LTBR: variants seen among roughly 807,000 people sequenced by gnomAD.
The protein encoded by LTBR is tumor necrosis factor receptor superfamily member 3.
LTBR carries 15 observed loss-of-function variants against 45.4 expected under a neutral mutation model. The ratio of observed to expected loss-of-function variants is 0.33; its 90% CI spans 0.22 to 0.51. The LOEUF is 0.51. Among genes scored for constraint, LTBR ranks in the 20% least tolerant of loss-of-function variants. The pLI is 0.97. For missense variants in LTBR, 450 were observed against 565.5 expected (o/e 0.80, Z 2.07); for synonymous variants, 228 against 231.0 (o/e 0.99, Z 0.12).
Position 6,386,565 on chromosome 12 carries a change from G to A in LTBR, c.667+121G>A, listed in dbSNP as rs935368519. The stretch of plus-strand genomic sequence containing the variant: ...CCTCCCAGAATTGGGCAAGAAGAAA[G>A]TTCCTTACAGAAAAAATTGGAGTAT... On this transcript the variant is annotated intron_variant, in intron 6 of 9. Transcript: ENST00000228918. The surrounding 1 kb of genome is among the most constrained non-coding windows in gnomAD (Gnocchi z 4.1). The A allele has an allele frequency of 2.8e-6, 2 of 703,308 alleles. No homozygotes were observed. The highest frequency in any genetic ancestry group is 3.6e-5 in the African/African-American group (2 of 55,162). The allele number at this position is 703,308 out of a possible 1,614,324, so 43.6% of individuals were successfully genotyped here.
At position 6,384,200 on chromosome 12, in the gene LTBR, G is replaced by A. The variant is rs1949011417; in HGVS notation, c.-159G>A. On this transcript the variant is annotated 5_prime_UTR_variant, in exon 1 of 10. Transcript: ENST00000228918. ...GAGCTCCGCCATGGGAGCCCTGGAG[G>A]CCCGGCCTGGCCGCTCCCGGCCCTG... is the stretch of plus-strand genomic sequence containing the variant. 2.3e-6 allele frequency: 3 copies of A among 1,314,788 alleles called. No individual in the cohort carries two copies. In the South Asian group the frequency reaches 6.9e-5, roughly 30 times the overall value. The allele number at this position is 1,314,788 out of a possible 1,614,324, so 81.4% of individuals were successfully genotyped here. A position where few individuals can be genotyped will look rare whatever the true frequency, so the allele number is the denominator to read the frequency against.
chr12:6,390,401 A>G lies in LTBR; in HGVS notation c.1030+61A>G, dbSNP rs905143498. 5 of 1,411,130 alleles carry G rather than the reference A, an allele frequency of 3.5e-6. No individual in the cohort carries two copies. The African/African-American group carries it at 7.1e-5, about 20-fold the overall frequency. The allele number at this position is 1,411,130 out of a possible 1,614,324, so 87.4% of individuals were successfully genotyped here. Reference sequence around the variant, plus strand: ...GGAGGGAGGGATGGCTGGCAGGGAGAGACTGTGGGCCAGATGAAATAAAAA... The same window carrying G: ...GGAGGGAGGGATGGCTGGCAGGGAGGGACTGTGGGCCAGATGAAATAAAAA... On this transcript the variant is annotated intron_variant, in intron 9 of 9. Transcript: ENST00000228918.
upstream of LTBR, among the ~76,000 whole-genome samples, chr12:6,379,933 C>CAAAAAAA (rs60566609): frequency 8.6e-6 from 1 of 115,994 alleles, no homozygotes; most frequent in African/African-American, 3.1e-5. Flanking sequence ...GACTCTGTCT[C>CAAAAAAA]AAAAAAAAAA....
upstream of LTBR, among the ~76,000 whole-genome samples, chr12:6,381,015 T>C (rs1948978096): frequency 6.6e-6 from 1 of 152,146 alleles, no homozygotes; most frequent in South Asian, 2.1e-4. Context: ...TGGCTGGGCA[T>C]TATAGTAGCC....
chr12:6,376,457 G>T (rs1332876745), intron 1 of LTBR, among the ~76,000 whole-genome samples: 1 of 152,210 alleles, frequency 6.6e-6, no homozygotes, highest in East Asian at 1.9e-4. Flanking sequence ...ACACAGACCC[G>T]GAGCCCAGGA....
chr12:6,380,950 CG>C (rs1948977390), upstream of LTBR, among the ~76,000 whole-genome samples: 1 of 152,130 alleles, frequency 6.6e-6, no homozygotes, highest in African/African-American at 2.4e-5. Context: ...ATGCCCTGCC[CG>C]CGGTGAACCT....
intron 1 of LTBR, among the ~76,000 whole-genome samples, chr12:6,376,693 C>T (rs902423480): frequency 6.6e-6 from 1 of 152,078 alleles, no homozygotes; most frequent in African/African-American, 2.4e-5. Flanking sequence ...AGAATCAGAC[C>T]CAAAAAGGGC....
rs1261176203 is a variant in LTBR at position 6,386,059 on chromosome 12, T to C, written c.473-7T>C. 1.2e-6 allele frequency: 2 copies of C among 1,609,768 alleles called. No homozygotes were observed. Among genetic ancestry groups the C allele is most frequent in the African/African-American group, 2.7e-5 (2 of 74,790 alleles). On this transcript the variant is annotated splice_polypyrimidine_tract_variant and splice_region_variant and intron_variant, in intron 4 of 9. Transcript: ENST00000228918. This position sits in a 1 kb window ranked among gnomAD's most constrained non-coding sequence, Gnocchi z 4.1. ...TCACCCTGGCTGGCCTGCCTTTCTC[T>C]TGCCAGATGAAGTTGGGAAGGGTAA...
intron 1 of LTBR, chr12:6,377,858 G>A (rs1421732659): frequency 2.5e-5 from 10 of 399,486 alleles, no homozygotes; most frequent in Non-Finnish European, 2.0e-5. Flanking sequence ...CCTGGTCTGG[G>A]CTGAGCCAAA....
Position 6,388,887 on chromosome 12 carries a change from G to A in LTBR, c.801+62G>A. 13 of 1,597,076 alleles carry A rather than the reference G, an allele frequency of 8.1e-6. No individual in the cohort carries two copies. The highest frequency in any genetic ancestry group is 1.0e-5 in the Non-Finnish European group (12 of 1,165,262). ...AGAGGTGATGAGGGTACAAGGTGGA[G>A]CAGACAGGAAGAGAGTATGCAGGCT... is the stretch of plus-strand genomic sequence containing the variant. On this transcript the variant is annotated intron_variant, in intron 8 of 9. Coordinates refer to ENST00000228918, the MANE Select transcript of LTBR (RefSeq NM_002342.3). This position sits in a 1 kb window ranked among gnomAD's most constrained non-coding sequence, Gnocchi z 4.3.
At chr12:6,385,794 A>G (rs1022361631) in intron 4 of LTBR, 1 of 365,314 alleles carries the variant, frequency 2.7e-6, no homozygotes, top group Non-Finnish European at 5.0e-6. Flanking sequence ...TATCCCAGCT[A>G]CTCGGGAGGC....
At chr12:6,387,893 CT>C (rs1396434471) in intron 6 of LTBR, 1 of 454,696 alleles carries the variant, frequency 2.2e-6, no homozygotes, top group Non-Finnish European at 4.4e-6. Context: ...TCTCTCACCC[CT>C]GTAAACACCC....
In LTBR at chr12:6,386,469, C is replaced by CA. The variant is rs5796232; in HGVS notation, c.667+25_667+26insA. On this transcript the variant is annotated intron_variant, in intron 6 of 9. Transcript: ENST00000228918. This position sits in a 1 kb window ranked among gnomAD's most constrained non-coding sequence, Gnocchi z 4.1. Reference sequence around the variant, plus strand: ...GGTGAGGGACCAGGGCTGAGGGACACGGGGGGGGCGCCTCTGAAAATGCCT... The same window carrying CA: ...GGTGAGGGACCAGGGCTGAGGGACACAGGGGGGGGCGCCTCTGAAAATGCCT... 0.36 allele frequency: 539,909 copies of CA among 1,483,774 alleles called. 112,435 individuals are homozygous for CA. Among genetic ancestry groups the CA allele is most frequent in the African/African-American group, 0.87 (63,788 of 73,708 alleles). 91.9% of individuals were successfully genotyped at this position (1,483,774 alleles called of 1,614,324 possible).
rs1291212143 is a variant in LTBR, at chr12:6,390,771, C to T, written c.1142C>T (p.Thr381Ile). Reference sequence around the variant, plus strand: ...CCGGGTCCTGGAGACCTCCCAGCTACCCCCGAACCTCCATACCCCATTCCC... The same window carrying T: ...CCGGGTCCTGGAGACCTCCCAGCTATCCCCGAACCTCCATACCCCATTCCC... Reference protein sequence around the residue: ...GPPGPGDLPATPEPPYPIPEE... With the variant: ...GPPGPGDLPAIPEPPYPIPEE... The change falls in exon 10 of 10, where the codon ACC (threonine) becomes ATC (isoleucine). Residue 381 changes from threonine to isoleucine, a missense_variant. Around this residue, in one of 3 missense-constraint regions of LTBR, gnomAD observed 71 missense variants for 90.4 expected, o/e 0.79. Transcript: ENST00000228918. 1.3e-6 allele frequency: 2 copies of T among 1,586,962 alleles called. No individual in the cohort carries two copies. The highest frequency in any genetic ancestry group is 2.2e-5 in the East Asian group (1 of 44,540).
Position 6,388,212 on chromosome 12 carries a change from C to A in LTBR, c.668-186C>A. 2 of 572,268 alleles carry A rather than the reference C, an allele frequency of 3.5e-6. No individual in the cohort carries two copies. Among genetic ancestry groups the A allele is most frequent in the East Asian group, 3.0e-5 (1 of 33,646 alleles). 35.4% of individuals were successfully genotyped at this position (572,268 alleles called of 1,614,324 possible). The stretch of plus-strand genomic sequence containing the variant: ...AGGTCCTCAAGTCCAACTTAGTTCC[C>A]CTTCTCTATAACCCAAGGGAAGTTT... On this transcript the variant is annotated intron_variant, in intron 6 of 9. Transcript: ENST00000228918. The surrounding 1 kb of genome is among the most constrained non-coding windows in gnomAD (Gnocchi z 4.3).
chr12:6,376,525 G>C (rs1948912955), intron 1 of LTBR, among the ~76,000 whole-genome samples: 1 of 152,248 alleles, frequency 6.6e-6, no homozygotes, highest in South Asian at 2.1e-4. Flanking sequence ...CGCTGGAAAG[G>C]AAGAGGGTGG....
At chr12:6,377,724 A>C in intron 1 of LTBR, 1 of 1,276,576 alleles carries the variant, frequency 7.8e-7, no homozygotes, top group African/African-American at 1.5e-5. Flanking sequence ...TTGATCTCAA[A>C]GGTTCTGAAA....
chr12:6,385,246 T>A lies in LTBR; in HGVS notation c.339T>A (p.Ile113=), dbSNP rs760933050. The A allele has an allele frequency of 5.0e-6, 8 of 1,614,048 alleles. No individual in the cohort carries two copies. In the South Asian group the frequency reaches 8.8e-5, roughly 18 times the overall value. ...CGCCAGTGATGGGCCTCGAGGAGAT[T>A]GCCCCCTGCACAAGCAAACGGAAGA... ...PCDPVMGLEE[I]APCTSKRKTQ... Residue 113 remains isoleucine, a synonymous_variant, in exon 4 of 10, where the codon ATT becomes ATA. Coordinates refer to ENST00000228918, the MANE Select transcript of LTBR (RefSeq NM_002342.3).
chr12:6,390,026 AAGAG>A (rs1462619865), intron 8 of LTBR, 82 bp from the exon 9 acceptor site: 17 of 814,572 alleles, frequency 2.1e-5, no homozygotes, highest in Non-Finnish European at 3.6e-5. Flanking sequence ...AAGAAAGAGA[AAGAG>A]AGAAAGAAGA....
Sources: allele counts gnomAD v4.1 joint callset (sites outside exome capture counted in the v4.1 genomes callset), GRCh38; gene constraint gnomAD v4.1.1; regional missense constraint gnomAD v4.1.1; non-coding constraint Gnocchi (gnomAD v3.1); transcripts MANE v1.5; gene names NCBI Gene and HGNC (gene_info 2026-07-23, HGNC 2026-07-21).